ST8SIA1: variants seen among roughly 807,000 people sequenced by gnomAD.
The protein encoded by ST8SIA1 is alpha-N-acetylneuraminide alpha-2,8-sialyltransferase.
Under a neutral mutation model 35.9 loss-of-function variants are expected in ST8SIA1, and 16 were observed. The observed-to-expected ratio is 0.45, with a 90% confidence interval of 0.30 to 0.68. ST8SIA1 has a LOEUF of 0.68. Among genes scored for constraint, ST8SIA1 ranks in the 30% least tolerant of loss-of-function variants. The pLI, the probability that ST8SIA1 is intolerant of heterozygous loss-of-function variation, is 0.09. For synonymous variants in ST8SIA1, 170 were observed against 169.6 expected (o/e 1.00, Z -0.02); for missense variants, 383 against 453.6 (o/e 0.84, Z 1.41).
intron 1 of ST8SIA1, among the ~76,000 whole-genome samples, chr12:22,308,855 G>C (rs776901025): frequency 6.6e-6 from 1 of 151,990 alleles, no homozygotes; most frequent in Non-Finnish European, 1.5e-5. Flanking sequence ...TCCTCTCTAA[G>C]TGCTTTTTCT....
chr12:22,247,886 T>A (rs897277153), intron 4 of ST8SIA1, among the ~76,000 whole-genome samples: 2 of 152,092 alleles, frequency 1.3e-5, no homozygotes, highest in African/African-American at 4.8e-5. Flanking sequence ...AAGTCGAAAG[T>A]AGGCAAAAAA....
intron 1 of ST8SIA1, among the ~76,000 whole-genome samples, chr12:22,329,400 G>C (rs986893029): frequency 1.3e-5 from 2 of 152,070 alleles, no homozygotes; most frequent in African/African-American, 4.8e-5. Flanking sequence ...TATATTTTAC[G>C]TATCCAGTAA....
chr12:22,285,057 T>G lies in ST8SIA1; in HGVS notation c.381+2092A>C, dbSNP rs147808492. ...AGCAGTTTTCATACATAGAATATCC[T>G]GTGGATTGGCTTGCTTAACCTCTGT... On this transcript the variant is annotated intron_variant, in intron 2 of 4. Coordinates refer to ENST00000396037, the MANE Select transcript of ST8SIA1 (RefSeq NM_003034.4). 3.9e-5 allele frequency among the ~76,000 whole-genome samples: 6 copies of G among 152,260 alleles called. No homozygotes were observed. The East Asian group carries it at 1.2e-3, about 29-fold the overall frequency.
chr12:22,284,677 T>C (rs1866076908), intron 2 of ST8SIA1, among the ~76,000 whole-genome samples: 1 of 152,222 alleles, frequency 6.6e-6, no homozygotes, highest in Non-Finnish European at 1.5e-5. Flanking sequence ...CACAATGATG[T>C]CATGACTTCT....
chr12:22,209,935 T>G (rs2120631486), intron 4 of ST8SIA1, among the ~76,000 whole-genome samples: 1 of 152,346 alleles, frequency 6.6e-6, no homozygotes, highest in South Asian at 2.1e-4. Context: ...TGTTTACTAT[T>G]AAATCCTCCA....
At position 22,255,301 on chromosome 12, in the gene ST8SIA1, T is replaced by C; in HGVS notation, c.470A>G (p.Asp157Gly). ...LKKSGCGRQI[D>G]EANFVMRCNL... ...TTACCGCATGACAAAATTTGCTTCA[T>C]CTATTTGACGGCCACAGCCACTCTT... Residue 157 changes from aspartate to glycine, a missense_variant, in exon 3 of 5, where the codon GAT becomes GGT. Transcript: ENST00000396037. The C allele has an allele frequency of 1.9e-6, 3 of 1,614,192 alleles. No homozygotes were observed. Among genetic ancestry groups the C allele is most frequent in the Non-Finnish European group, 2.5e-6 (3 of 1,180,010 alleles).
intron 4 of ST8SIA1, among the ~76,000 whole-genome samples, chr12:22,219,854 A>C (rs1457236681): frequency 6.6e-6 from 1 of 152,178 alleles, no homozygotes; most frequent in Non-Finnish European, 1.5e-5. Context: ...TGGTGTGATA[A>C]AAACTTGACC....
chr12:22,276,718 G>A (rs984452206), intron 2 of ST8SIA1, among the ~76,000 whole-genome samples: 4 of 152,140 alleles, frequency 2.6e-5, no homozygotes, highest in Non-Finnish European at 4.4e-5. Flanking sequence ...GATAGAAGGT[G>A]TGAGCCTGGG....
chr12:22,279,317 C>A (rs756635137), intron 2 of ST8SIA1, among the ~76,000 whole-genome samples: 1 of 152,166 alleles, frequency 6.6e-6, no homozygotes, highest in African/African-American at 2.4e-5. Context: ...CAAAACATAA[C>A]CCCAGGCTGC....
intron 1 of ST8SIA1, among the ~76,000 whole-genome samples, chr12:22,320,881 A>C (rs1208839558): frequency 2.7e-5 from 4 of 149,834 alleles, no homozygotes; most frequent in Non-Finnish European, 4.4e-5. Context: ...AGAAAGAAAG[A>C]GAAAGAAAGA....
At chr12:22,301,897 G>A (rs979914375) in intron 1 of ST8SIA1, among the ~76,000 whole-genome samples, 15 of 151,976 alleles carry the variant, frequency 9.9e-5, no homozygotes, top group African/African-American at 3.4e-4. Context: ...CCATGGCTGG[G>A]CTCAGCTTTA....
intron 4 of ST8SIA1, chr12:22,223,268 C>A (rs533083012): frequency 1.3e-5 from 2 of 153,508 alleles, no homozygotes; most frequent in African/African-American, 4.8e-5. Flanking sequence ...ATATATGCTT[C>A]TATTTCATGC....
At chr12:22,259,461 T>C (rs998901484) in intron 2 of ST8SIA1, among the ~76,000 whole-genome samples, 2 of 135,260 alleles carry the variant, frequency 1.5e-5, no homozygotes, top group African/African-American at 2.8e-5. Flanking sequence ...GAAAATACTA[T>C]GGATTTTTTT....
chr12:22,318,121 T>C (rs1866542468), intron 1 of ST8SIA1, among the ~76,000 whole-genome samples: 1 of 152,220 alleles, frequency 6.6e-6, no homozygotes, highest in Non-Finnish European at 1.5e-5. Flanking sequence ...ACCTTTATGT[T>C]TGATTAATAC....
intron 4 of ST8SIA1, among the ~76,000 whole-genome samples, chr12:22,237,874 A>AC (rs1397781470): frequency 6.6e-6 from 1 of 152,190 alleles, no homozygotes; most frequent in Non-Finnish European, 1.5e-5. Context: ...CAAAGTATCA[A>AC]CTTTGGCTTT....
intron 4 of ST8SIA1, among the ~76,000 whole-genome samples, chr12:22,224,503 G>T (rs929663708): frequency 4.6e-5 from 7 of 151,848 alleles, no homozygotes; most frequent in African/African-American, 1.7e-4. Flanking sequence ...TAGAGACAGG[G>T]TTTTGCCCAC....
At chr12:22,317,524 G>T (rs1450681481) in intron 1 of ST8SIA1, among the ~76,000 whole-genome samples, 1 of 152,200 alleles carries the variant, frequency 6.6e-6, no homozygotes, top group Non-Finnish European at 1.5e-5. Context: ...CGTGGTTGTT[G>T]GTGGCCTCAG....
At chr12:22,214,981 T>C (rs1417769075) in intron 4 of ST8SIA1, among the ~76,000 whole-genome samples, 1 of 152,186 alleles carries the variant, frequency 6.6e-6, no homozygotes, top group Non-Finnish European at 1.5e-5. Context: ...CTCTGAATTA[T>C]ATTGTGTAGC....
chr12:22,331,985 C>T (rs1198911008), intron 1 of ST8SIA1, among the ~76,000 whole-genome samples: 1 of 152,188 alleles, frequency 6.6e-6, no homozygotes, highest in Middle Eastern at 3.2e-3. Flanking sequence ...CTTCTAACAA[C>T]TCTGCAATGT....
Sources: gnomAD v4.1 joint callset for allele counts (sites outside exome capture counted in the v4.1 genomes callset) on GRCh38, gnomAD v4.1.1 for gene constraint, MANE v1.5 for transcripts, NCBI Gene and HGNC (gene_info 2026-07-23, HGNC 2026-07-21) for gene names.